The following AGAP1 variants were observed in gnomAD, a reference collection of about 807,000 sequenced individuals.
AGAP1 encodes the protein arf-GAP with GTPase, ANK repeat and PH domain-containing protein 1.
A neutral mutation model predicts 105.3 loss-of-function variants in AGAP1; 29 were observed. That is an observed-to-expected ratio of 0.28 (90% CI 0.21 to 0.38). The LOEUF (loss-of-function observed/expected upper bound fraction) is 0.38, where lower values mean the gene tolerates loss of function less well. AGAP1 is among the 10% of genes least tolerant of loss of function. The pLI is 1.00. For synonymous variants in AGAP1, 509 were observed against 485.9 expected (o/e 1.05, Z -0.63); for missense variants, 998 against 1,165.1 (o/e 0.86, Z 2.09).
chr2:235,939,501 A>G (rs2053154315), intron 12 of AGAP1, among the ~76,000 whole-genome samples: 1 of 151,688 alleles, frequency 6.6e-6, no homozygotes, highest in Non-Finnish European at 1.5e-5. Flanking sequence ...GCCATCGCTC[A>G]GCCCAACACC....
chr2:235,912,648 G>C (rs1274237263), intron 11 of AGAP1, among the ~76,000 whole-genome samples: 1 of 152,162 alleles, frequency 6.6e-6, no homozygotes, highest in Non-Finnish European at 1.5e-5. Flanking sequence ...TGGAATAACT[G>C]TCCATATATG....
intron 11 of AGAP1, among the ~76,000 whole-genome samples, chr2:235,913,685 C>T (rs1010485760): frequency 6.6e-6 from 1 of 152,174 alleles, no homozygotes; most frequent in Non-Finnish European, 1.5e-5. Context: ...CTGCTGCCTG[C>T]TTATTTTTCC....
In AGAP1 at chr2:235,628,819, T is replaced by TTTTG. The variant is rs546747509; in HGVS notation, c.164-80344_164-80341dup. Among the ~76,000 whole-genome samples the TTTTG allele has an allele frequency of 9.6e-4, 146 of 152,096 alleles. 1 individual carries two copies. In the East Asian group the frequency reaches 0.01, roughly 11 times the overall value. ...CCCCGAAGTCCATGTATCATTCTTT[T>TTTTG]TTTGTTTGTTTGTTTGTTTTTTGAC... On this transcript the variant is annotated intron_variant, in intron 1 of 17. Transcript: ENST00000304032.
rs1339136835 is a variant in AGAP1, at chr2:235,720,262, C to T, written c.310+2618C>T. On this transcript the variant is annotated intron_variant, in intron 3 of 17. Coordinates refer to ENST00000304032, the MANE Select transcript of AGAP1 (RefSeq NM_001037131.3). This position sits in a 1 kb window ranked among gnomAD's most constrained non-coding sequence, Gnocchi z 5.0. ...TTTTGTCCAGTGAGTTAGTGTTGAT[C>T]AATTACCCATGCTTTGCTTAATTGA... Among the ~76,000 whole-genome samples the T allele has an allele frequency of 6.6e-6, 1 of 152,204 alleles. No individual in the cohort carries two copies. Among genetic ancestry groups the T allele is most frequent in the African/African-American group, 2.4e-5 (1 of 41,448 alleles).
chr2:235,762,002 G>A (rs771087201), intron 6 of AGAP1, among the ~76,000 whole-genome samples: 3 of 151,698 alleles, frequency 2.0e-5, no homozygotes, highest in Admixed American at 6.6e-5. Context: ...CCACCTACTC[G>A]GGAGGCTGAG....
rs1159540528 is a variant in AGAP1 at position 236,113,425 on chromosome 2, C to T, written c.2115-6767C>T. Among the ~76,000 whole-genome samples the T allele has an allele frequency of 2.0e-5, 3 of 152,232 alleles. No individual in the cohort carries two copies. The highest frequency in any genetic ancestry group is 7.2e-5 in the African/African-American group (3 of 41,458). On this transcript the variant is annotated intron_variant, in intron 16 of 17. Coordinates refer to ENST00000304032, the MANE Select transcript of AGAP1 (RefSeq NM_001037131.3). This position sits in a 1 kb window ranked among gnomAD's most constrained non-coding sequence, Gnocchi z 4.3. ...AAGTGCTGGGATTACAGTCATGAGC[C>T]ACCATGCCCGGCTGGAGTTTGTTTT...
Position 235,577,827 on chromosome 2 carries a change from A to C in AGAP1, c.163+82978A>C, listed in dbSNP as rs1185184298. 1.1e-4 allele frequency among the ~76,000 whole-genome samples: 17 copies of C among 152,068 alleles called. No individual in the cohort carries two copies. Among genetic ancestry groups the C allele is most frequent in the African/African-American group, 4.1e-4 (17 of 41,410 alleles). On this transcript the variant is annotated intron_variant, in intron 1 of 17. Transcript: ENST00000304032. This position sits in a 1 kb window ranked among gnomAD's most constrained non-coding sequence, Gnocchi z 4.5. ...AATGTAATCCCTCCTTCAGCGCTGCACAAAAGGCCCATGTCTGCTCGCTGG... is the reference window on the plus strand; with the variant it reads ...AATGTAATCCCTCCTTCAGCGCTGCCCAAAAGGCCCATGTCTGCTCGCTGG...
At chr2:235,536,629 A>T (rs200466864) in intron 1 of AGAP1, among the ~76,000 whole-genome samples, 1 of 7,918 alleles carries the variant, frequency 1.3e-4, no homozygotes, top group Non-Finnish European at 2.6e-4. Context: ...CGCATCCTTC[A>T]CACACACACA....
intron 13 of AGAP1, among the ~76,000 whole-genome samples, chr2:235,998,602 G>A (rs998426797): frequency 2.7e-5 from 4 of 147,494 alleles, no homozygotes; most frequent in Non-Finnish European, 4.6e-5. Context: ...TAAGTGCTCA[G>A]CATGGTACCT....
In AGAP1 at chr2:236,020,687, A is replaced by G. The variant is rs2056854881; in HGVS notation, c.1646-15874A>G. On this transcript the variant is annotated intron_variant, in intron 13 of 17. Coordinates refer to ENST00000304032, the MANE Select transcript of AGAP1 (RefSeq NM_001037131.3). This position sits in a 1 kb window ranked among gnomAD's most constrained non-coding sequence, Gnocchi z 5.0. ...TGAAGTGCTTCCCACAGAGCTGGGC[A>G]CATAGGGAAGCTGGCCGCCGTGGCT... Among the ~76,000 whole-genome samples, 1 of 152,244 alleles carries G rather than the reference A, an allele frequency of 6.6e-6. No homozygotes were observed. Among genetic ancestry groups the G allele is most frequent in the Non-Finnish European group, 1.5e-5 (1 of 68,042 alleles).
intron 12 of AGAP1, among the ~76,000 whole-genome samples, chr2:235,954,844 C>G (rs2053882719): frequency 6.6e-6 from 1 of 152,102 alleles, no homozygotes; most frequent in East Asian, 1.9e-4. Context: ...GCTATTATCG[C>G]AGCTCCTAGG....
At chr2:235,592,991 G>T (rs1415467624) in intron 1 of AGAP1, among the ~76,000 whole-genome samples, 2 of 152,136 alleles carry the variant, frequency 1.3e-5, no homozygotes, top group Admixed American at 1.3e-4. Context: ...GGCCGGGAGG[G>T]CTGCTGAGCT....
At chr2:235,897,048 T>C (rs1224532422) in intron 10 of AGAP1, among the ~76,000 whole-genome samples, 1 of 152,198 alleles carries the variant, frequency 6.6e-6, no homozygotes, top group Non-Finnish European at 1.5e-5. Context: ...TAAAGTCCTC[T>C]TATTTCTTTT....
In AGAP1 at chr2:235,979,977, G is replaced by A. The variant is rs2055021725; in HGVS notation, c.1645+11354G>A. 6.6e-6 allele frequency among the ~76,000 whole-genome samples: 1 copy of A among 152,158 alleles called. No individual in the cohort carries two copies. The highest frequency in any genetic ancestry group is 2.4e-5 in the African/African-American group (1 of 41,422). ...CATGCAGTAAAATACAAAAAAAAGA[G>A]AGATAGAGAAAGCAGGGGAGCTTGT... is the stretch of plus-strand genomic sequence containing the variant. On this transcript the variant is annotated intron_variant, in intron 13 of 17. Coordinates refer to ENST00000304032, the MANE Select transcript of AGAP1 (RefSeq NM_001037131.3). This position sits in a 1 kb window ranked among gnomAD's most constrained non-coding sequence, Gnocchi z 4.5.
intron 6 of AGAP1, among the ~76,000 whole-genome samples, chr2:235,780,756 T>G (rs910152656): frequency 3.9e-5 from 6 of 152,224 alleles, no homozygotes; most frequent in African/African-American, 1.4e-4. Flanking sequence ...TAGATTTGCT[T>G]CTGAACATTT....
At chr2:235,916,303 A>C (rs1311604248) in intron 11 of AGAP1, among the ~76,000 whole-genome samples, 1 of 152,208 alleles carries the variant, frequency 6.6e-6, no homozygotes, top group Non-Finnish European at 1.5e-5. Flanking sequence ...ACATAGTCTT[A>C]AGTTGCCATT....
intron 1 of AGAP1, among the ~76,000 whole-genome samples, chr2:235,534,194 AG>A (rs1559229652): frequency 6.6e-6 from 1 of 152,172 alleles, no homozygotes; most frequent in Non-Finnish European, 1.5e-5. Context: ...GCTCAGGCAA[AG>A]GGCTTGCCAG....
rs1961065930 is a variant in AGAP1 at position 235,843,212 on chromosome 2, C to T, written c.1050+35881C>T. ...CAGCTCCCAGAACCCATCACCAGCC[C>T]TCCTTCTTAGAGAGTGGTCTTCGGG... is the stretch of plus-strand genomic sequence containing the variant. On this transcript the variant is annotated intron_variant, in intron 9 of 17. Transcript: ENST00000304032. This position sits in a 1 kb window ranked among gnomAD's most constrained non-coding sequence, Gnocchi z 5.9. Among the ~76,000 whole-genome samples, 1 of 112,512 alleles carries T rather than the reference C, an allele frequency of 8.9e-6. No individual in the cohort carries two copies. Among genetic ancestry groups the T allele is most frequent in the South Asian group, 3.1e-4 (1 of 3,266 alleles). 73.8% of individuals were successfully genotyped at this position (112,512 alleles called of 152,430 possible). A position where few individuals can be genotyped will look rare whatever the true frequency, so the allele number is the denominator to read the frequency against.
chr2:236,082,377 G>T lies in AGAP1; in HGVS notation c.2114+33096G>T, dbSNP rs368829444. 3.3e-5 allele frequency among the ~76,000 whole-genome samples: 5 copies of T among 152,146 alleles called. No homozygotes were observed. Among genetic ancestry groups the T allele is most frequent in the African/African-American group, 1.2e-4 (5 of 41,436 alleles). On this transcript the variant is annotated intron_variant, in intron 16 of 17. Transcript: ENST00000304032. The surrounding 1 kb of genome is among the most constrained non-coding windows in gnomAD (Gnocchi z 4.2). ...CCCCCAGCTCAGCTCTTCCAGCTGCGACCAGCAGGGTCATTAATTAGGCAT... is the reference window on the plus strand; with the variant it reads ...CCCCCAGCTCAGCTCTTCCAGCTGCTACCAGCAGGGTCATTAATTAGGCAT...
Sources: allele counts gnomAD v4.1 joint callset (sites outside exome capture counted in the v4.1 genomes callset), GRCh38; gene constraint gnomAD v4.1.1; non-coding constraint Gnocchi (gnomAD v3.1); transcripts MANE v1.5; gene names NCBI Gene and HGNC (gene_info 2026-07-23, HGNC 2026-07-21).